PGAP2: variants seen among roughly 807,000 people sequenced by gnomAD.
The protein encoded by PGAP2 is acyltransferase PGAP2.
In PGAP2, 21 loss-of-function variants were observed where a neutral mutation model predicts 33.2. The observed-to-expected ratio is 0.63, with a 90% CI of 0.45 to 0.91. The LOEUF (loss-of-function observed/expected upper bound fraction) is 0.91, where lower values mean the gene tolerates loss of function less well. PGAP2 is among the 40% of genes least tolerant of loss of function. The probability of loss-of-function intolerance (pLI) is 0.00; values close to 1 mark genes in which losing one functional copy is unlikely to be tolerated. For synonymous variants in PGAP2, 161 were observed against 172.9 expected (o/e 0.93, Z 0.54); for missense variants, 345 against 424.0 (o/e 0.81, Z 1.64).
intron 1 of PGAP2, among the ~76,000 whole-genome samples, chr11:3,803,020 G>C (rs2083714912): frequency 6.9e-6 from 1 of 145,622 alleles, no homozygotes; most frequent in Non-Finnish European, 1.5e-5. Flanking sequence ...TGGAGACAGA[G>C]TCTCACTCTG....
upstream of PGAP2, among the ~76,000 whole-genome samples, chr11:3,806,138 A>G (rs1023781079): frequency 6.6e-6 from 1 of 152,142 alleles, no homozygotes; most frequent in Non-Finnish European, 1.5e-5. Context: ...CATTGGGGGT[A>G]GTCTAGAGGC....
intron 3 of PGAP2, 142 bp downstream of exon 3, chr11:3,817,677 T>A (rs1302250957): frequency 1.4e-6 from 1 of 735,126 alleles, no homozygotes; most frequent in Admixed American, 2.0e-5. Flanking sequence ...TAAGTCAGAG[T>A]CAGAGATAAT....
chr11:3,822,919 T>G, intron 3 of PGAP2: 1 of 1,527,748 alleles, frequency 6.5e-7, no homozygotes, highest in Non-Finnish European at 8.8e-7. Flanking sequence ...GACTGAAGCT[T>G]CAATAGGAGT....
At chr11:3,807,100 C>G (rs556646532), upstream of PGAP2, among the ~76,000 whole-genome samples, 1 of 150,610 alleles carries the variant, frequency 6.6e-6, no homozygotes, top group East Asian at 2.0e-4. Context: ...CTTTGGGAAG[C>G]CAAGGCGGGG....
chr11:3,813,435 G>A (rs1453583547), intron 2 of PGAP2, among the ~76,000 whole-genome samples: 1 of 152,032 alleles, frequency 6.6e-6, no homozygotes, highest in Non-Finnish European at 1.5e-5. Flanking sequence ...CTAGGCTGGA[G>A]TGCAGTGGCA....
At chr11:3,800,799 G>A (rs2083325204) in intron 1 of PGAP2, among the ~76,000 whole-genome samples, 1 of 134,842 alleles carries the variant, frequency 7.4e-6, no homozygotes, top group South Asian at 2.3e-4. Context: ...GCCACAGAGT[G>A]AGACTCCGTC....
chr11:3,803,783 C>CTATATA (rs528592674), upstream of PGAP2, among the ~76,000 whole-genome samples: 1 of 133,366 alleles, frequency 7.5e-6, no homozygotes, highest in East Asian at 2.3e-4. Context: ...GAATTTACTG[C>CTATATA]TATATATATA....
chr11:3,823,024 CTTTTTTTTTT>C lies in PGAP2; in HGVS notation c.349-838_349-829del, dbSNP rs746736798. The C allele has an allele frequency of 5.3e-3, 1,616 of 307,568 alleles. 7 individuals are homozygous for C. The East Asian group carries it at 0.078, about 15-fold the overall frequency. The allele number at this position is 307,568 out of a possible 1,614,324, so 19.1% of individuals were successfully genotyped here. ...GAGCACCCACTTTCTTTTTTCTTTT[CTTTTTTTTTT>C]TTTTTTTTTTTTTTTTTTTTGAGAC... On this transcript the variant is annotated intron_variant, in intron 3 of 6. Coordinates refer to ENST00000278243, the MANE Select transcript of PGAP2 (RefSeq NM_014489.4).
rs549687494 is a variant in PGAP2 at position 3,802,103 on chromosome 11, T to C, written c.139+4121T>C. Reference sequence around the variant, plus strand: ...TTTTTTTTTTTTTGCTATAAAATGGTTCTGAAAGAAATGTCTTGAATGAGT... The same window carrying C: ...TTTTTTTTTTTTTGCTATAAAATGGCTCTGAAAGAAATGTCTTGAATGAGT... On this transcript the variant is annotated intron_variant, in intron 1 of 6. Transcript: ENST00000300730. Among the ~76,000 whole-genome samples the C allele has an allele frequency of 6.1e-4, 90 of 146,878 alleles. No individual in the cohort carries two copies. The South Asian group carries it at 0.016, about 26-fold the overall frequency.
At chr11:3,807,614 G>C (rs1185207748), upstream of PGAP2, among the ~76,000 whole-genome samples, 2 of 151,998 alleles carry the variant, frequency 1.3e-5, no homozygotes, top group Non-Finnish European at 2.9e-5. Context: ...GGCCCTCACA[G>C]GGTTTTTATG....
At chr11:3,818,236 T>G (rs2087611375) in intron 3 of PGAP2, among the ~76,000 whole-genome samples, 1 of 149,818 alleles carries the variant, frequency 6.7e-6, no homozygotes, top group Non-Finnish European at 1.5e-5. Flanking sequence ...CATGGTGATG[T>G]GTGCCTGTAA....
In PGAP2 at chr11:3,798,854, G is replaced by A. The variant is rs372788141; in HGVS notation, c.139+872G>A. Among the ~76,000 whole-genome samples the A allele has an allele frequency of 5.4e-4, 82 of 151,308 alleles. 3 individuals are homozygous for A. In the South Asian group the frequency reaches 0.016, roughly 30 times the overall value. ...GATGGGGTTTCACCATGTTGGCCAGGCTGGTCTCGAACTCCGGAACTCAGG... is the reference window on the plus strand; with the variant it reads ...GATGGGGTTTCACCATGTTGGCCAGACTGGTCTCGAACTCCGGAACTCAGG... On this transcript the variant is annotated intron_variant, in intron 1 of 6. Coordinates refer to the PGAP2 transcript ENST00000300730.
chr11:3,814,558 CT>C (rs369901073), intron 2 of PGAP2, among the ~76,000 whole-genome samples: 13 of 149,204 alleles, frequency 8.7e-5, no homozygotes, highest in African/African-American at 2.0e-4. Flanking sequence ...TGCCCAGCCT[CT>C]TTTTTTTTTC....
intron 2 of PGAP2, among the ~76,000 whole-genome samples, chr11:3,812,006 C>T (rs1278925191): frequency 1.3e-5 from 2 of 151,974 alleles, no homozygotes; most frequent in Non-Finnish European, 1.5e-5. Flanking sequence ...TATATCTGTG[C>T]CTGTCTGTAT....
chr11:3,803,892 G>A (rs1455819857), upstream of PGAP2, among the ~76,000 whole-genome samples: 1 of 151,898 alleles, frequency 6.6e-6, no homozygotes, highest in Non-Finnish European at 1.5e-5. Flanking sequence ...CCAGGTTCAA[G>A]TGATTCTCGT....
upstream of PGAP2, chr11:3,797,753 GTGAGAGGGCCGTGGAGTCCCGC>G: frequency 1.4e-6 from 2 of 1,463,166 alleles, no homozygotes; most frequent in Admixed American, 2.2e-5. Context: ...GGTAGGAGCG[GTGAGAGGGCCGTGGAGTCCCGC>G]CCCTCGCCGC....
chr11:3,801,120 G>A lies in PGAP2; in HGVS notation c.139+3138G>A, dbSNP rs188993457. Among the ~76,000 whole-genome samples, 126 of 145,230 alleles carry A rather than the reference G, an allele frequency of 8.7e-4. 1 individual carries two copies. The highest frequency in any genetic ancestry group is 3.1e-3 in the African/African-American group (124 of 39,870). ...TTGCACTCCAGCGTGGGCAACAAGA[G>A]TGAAAGTCTGTCTTCAAAAAAAAAA... On this transcript the variant is annotated intron_variant, in intron 1 of 6. Coordinates refer to the PGAP2 transcript ENST00000300730.
At position 3,801,498 on chromosome 11, in the gene PGAP2, C is replaced by T. The variant is rs544878487; in HGVS notation, c.139+3516C>T. ...TGTACTAAAAATACAAAAAATTAGCCGGGCGCGGTGGCAGGCGCCTGTAGT... is the reference window on the plus strand; with the variant it reads ...TGTACTAAAAATACAAAAAATTAGCTGGGCGCGGTGGCAGGCGCCTGTAGT... On this transcript the variant is annotated intron_variant, in intron 1 of 6. Transcript: ENST00000300730. Among the ~76,000 whole-genome samples the T allele has an allele frequency of 9.9e-5, 15 of 151,724 alleles. 1 individual carries two copies. In the South Asian group the frequency reaches 1.0e-3, roughly 11 times the overall value.
intron 5 of PGAP2, chr11:3,824,593 A>C (rs944564083): frequency 5.5e-6 from 4 of 731,098 alleles, no homozygotes; most frequent in African/African-American, 3.5e-5. Context: ...GGGAGACTGG[A>C]GAATAGAAGA....
Sources: allele counts gnomAD v4.1 joint callset (sites outside exome capture counted in the v4.1 genomes callset), GRCh38; gene constraint gnomAD v4.1.1; transcripts MANE v1.5; gene names NCBI Gene and HGNC (gene_info 2026-07-23, HGNC 2026-07-21).